Variants in HEATR4 observed in about 807,000 individuals in gnomAD.
HEATR4 encodes the protein HEAT repeat-containing protein 4.
Under a neutral mutation model 108.8 loss-of-function variants are expected in HEATR4, and 95 were observed. That is an observed-to-expected ratio of 0.87 (90% confidence interval 0.74 to 1.04). The LOEUF is 1.04. HEATR4 is among the 50% of genes least tolerant of loss of function. The pLI, the probability that HEATR4 is intolerant of heterozygous loss-of-function variation, is 0.00. For synonymous variants in HEATR4, 443 were observed against 459.4 expected, an observed-to-expected ratio of 0.96 and a Z score of 0.46; for missense variants, 1,152 against 1,253.8, an observed-to-expected ratio of 0.92 and a Z score of 1.23.
upstream of HEATR4, among the ~76,000 whole-genome samples, chr14:73,559,112 T>G (rs1348386218): frequency 1.3e-5 from 2 of 152,048 alleles, no homozygotes; most frequent in Admixed American, 1.3e-4. Context: ...GATTATTTAT[T>G]GAATGGTAGT....
chr14:73,480,103 G>A (rs912508586), intron 17 of HEATR4, among the ~76,000 whole-genome samples: 2 of 152,128 alleles, frequency 1.3e-5, no homozygotes, highest in Non-Finnish European at 2.9e-5. Context: ...TACTAGTTAA[G>A]TAATAAAACC....
chr14:73,606,287 T>C, the HEATR4 span, among the ~76,000 whole-genome samples: 17 of 151,072 alleles, frequency 1.1e-4, no homozygotes, highest in Non-Finnish European at 2.1e-4. Flanking sequence ...ACTCAGGAGG[T>C]GGAGGTTGCG....
chr14:73,483,490 C>CTTTA (rs1440865441), intron 17 of HEATR4, among the ~76,000 whole-genome samples: 1 of 152,082 alleles, frequency 6.6e-6, no homozygotes, highest in African/African-American at 2.4e-5. Flanking sequence ...TCACATGTAG[C>CTTTA]TAAAACTACG....
the HEATR4 span, among the ~76,000 whole-genome samples, chr14:73,587,312 GAC>G: frequency 6.6e-6 from 1 of 151,492 alleles, no homozygotes; most frequent in Non-Finnish European, 1.5e-5. Context: ...GATATATTTT[GAC>G]ACAGACTTCT....
chr14:73,566,373 G>A, the HEATR4 span, among the ~76,000 whole-genome samples: 10 of 152,108 alleles, frequency 6.6e-5, no homozygotes, highest in African/African-American at 2.4e-4. Context: ...ACTGGGCTCC[G>A]TGGAGCAGGG....
At chr14:73,511,560 T>TAAATAAATA (rs371768614) in intron 7 of HEATR4, among the ~76,000 whole-genome samples, 3,045 of 88,728 alleles carry the variant, frequency 0.034, 34 homozygotes, top group Non-Finnish European at 0.056. Context: ...AATAAATAAA[T>TAAATAAATA]AAATAAAATA....
chr14:73,490,376 G>A (rs1305478512), intron 17 of HEATR4, among the ~76,000 whole-genome samples: 1 of 151,654 alleles, frequency 6.6e-6, no homozygotes. Context: ...GTGCAGTGGC[G>A]CCATCTCGGC....
chr14:73,524,308 AAAAT>A (rs1295678286), intron 2 of HEATR4, among the ~76,000 whole-genome samples: 51 of 83,576 alleles, frequency 6.1e-4, no homozygotes, highest in Non-Finnish European at 8.7e-4. Flanking sequence ...AAAAAAAAAA[AAAAT>A]ATATATATAT....
At chr14:73,586,504 A>G in the HEATR4 span, among the ~76,000 whole-genome samples, 1 of 152,014 alleles carries the variant, frequency 6.6e-6, no homozygotes, top group African/African-American at 2.4e-5. Context: ...CGGGAGTTGG[A>G]GACCAGCCTG....
rs1889228861 is a variant in HEATR4 at position 73,546,291 on chromosome 14, T to C, written c.-152+12460A>G. ...CCACCGCACTTGGCAAAAAAATGTT[T>C]TAATAACATGAAAAATTTTAAAAAG... is the stretch of plus-strand genomic sequence containing the variant. On this transcript the variant is annotated intron_variant, in intron 1 of 17. Coordinates refer to ENST00000553558, the MANE Select transcript of HEATR4 (RefSeq NM_001220484.1). 1.7e-5 allele frequency among the ~76,000 whole-genome samples: 2 copies of C among 114,834 alleles called. 1 individual carries two copies. The highest frequency in any genetic ancestry group is 3.8e-5 in the Non-Finnish European group (2 of 52,686). The allele number at this position is 114,834 out of a possible 152,430, so 75.3% of individuals were successfully genotyped here.
the HEATR4 span, chr14:73,619,943 ACT>A: frequency 1.6e-6 from 2 of 1,246,892 alleles, no homozygotes; most frequent in Non-Finnish European, 2.1e-6. Flanking sequence ...TTCCTGTATC[ACT>A]CTGTCACATA....
At position 73,539,748 on chromosome 14, in the gene HEATR4, C is replaced by A. The variant is rs1430447058; in HGVS notation, c.-151-9504G>T. 9.3e-5 allele frequency: 11 copies of A among 118,432 alleles called. 2 individuals carry two copies. The highest frequency in any genetic ancestry group is 4.7e-4 in the Admixed American group (5 of 10,678). 7.3% of individuals were successfully genotyped at this position (118,432 alleles called of 1,614,324 possible). A position where few individuals can be genotyped will look rare whatever the true frequency, so the allele number is the denominator to read the frequency against. ...CGTCTGGAAGCTGCCAGCACGCGGT[C>A]CCTGTCCATCAGCACACGCGTGGGC... On this transcript the variant is annotated intron_variant, in intron 1 of 17. Coordinates refer to ENST00000553558, the MANE Select transcript of HEATR4 (RefSeq NM_001220484.1).
the HEATR4 span, among the ~76,000 whole-genome samples, chr14:73,589,464 T>A: frequency 1.3e-5 from 2 of 152,046 alleles, no homozygotes; most frequent in African/African-American, 4.8e-5. Flanking sequence ...AGACTACAGG[T>A]GCACATCACC....
the HEATR4 span, among the ~76,000 whole-genome samples, chr14:73,613,894 A>G: frequency 6.6e-6 from 1 of 152,108 alleles, no homozygotes; most frequent in African/African-American, 2.4e-5. Context: ...AACCTCTACC[A>G]TATAAAAATG....
the HEATR4 span, among the ~76,000 whole-genome samples, chr14:73,576,344 GTTC>G: frequency 1.3e-5 from 2 of 151,822 alleles, no homozygotes; most frequent in Non-Finnish European, 2.9e-5. Flanking sequence ...TACATATTTA[GTTC>G]TTTGATATCT....
At chr14:73,597,264 T>C in the HEATR4 span, among the ~76,000 whole-genome samples, 9 of 151,684 alleles carry the variant, frequency 5.9e-5, no homozygotes. Context: ...TTTTGTATTT[T>C]TAGTAGAGAC....
chr14:73,600,948 C>T, the HEATR4 span, among the ~76,000 whole-genome samples: 13 of 149,114 alleles, frequency 8.7e-5, no homozygotes, highest in East Asian at 6.2e-4. Flanking sequence ...CGAGACCAGC[C>T]CGGCCAACAT....
intron 17 of HEATR4, among the ~76,000 whole-genome samples, chr14:73,490,216 C>G (rs1885625166): frequency 6.6e-6 from 1 of 152,216 alleles, no homozygotes; most frequent in South Asian, 2.1e-4. Flanking sequence ...ACCTCCACCT[C>G]CCGAGTTCAA....
the HEATR4 span, among the ~76,000 whole-genome samples, chr14:73,612,342 G>A: frequency 6.6e-6 from 1 of 152,190 alleles, no homozygotes; most frequent in South Asian, 2.1e-4. Flanking sequence ...GCCCCCGGCC[G>A]GATTGGTCAT....
Sources: gnomAD v4.1 joint callset for allele counts (sites outside exome capture counted in the v4.1 genomes callset) on GRCh38, gnomAD v4.1.1 for gene constraint, MANE v1.5 for transcripts, NCBI Gene and HGNC (gene_info 2026-07-23, HGNC 2026-07-21) for gene names.